IL1R1: variants seen among roughly 807,000 people sequenced by gnomAD.
The protein encoded by IL1R1 is interleukin 1 receptor type 1, also known as interleukin-1 receptor type 1.
In IL1R1, 22 loss-of-function variants were observed where a neutral mutation model predicts 50.2. That is an observed-to-expected ratio of 0.44 (90% confidence interval 0.31 to 0.63). The LOEUF is 0.63. IL1R1 is among the 20% of genes least tolerant of loss of function. IL1R1 has a pLI of 0.07. For synonymous variants in IL1R1, 251 were observed against 236.7 expected, an observed-to-expected ratio of 1.06 and a Z score of -0.55; for missense variants, 509 against 676.2, an observed-to-expected ratio of 0.75 and a Z score of 2.74.
At chr2:102,165,642 T>C (rs1180878396) in intron 5 of IL1R1, among the ~76,000 whole-genome samples, 1 of 152,198 alleles carries the variant, frequency 6.6e-6, no homozygotes, top group Non-Finnish European at 1.5e-5. Flanking sequence ...ATTGAAGATA[T>C]GGTCTTCAAA....
rs929267605 is a variant in IL1R1 at position 102,179,643 on chromosome 2, C to T, written c.*2884C>T. The T allele has an allele frequency of 6.5e-5, 10 of 152,726 alleles. No homozygotes were observed. Among genetic ancestry groups the T allele is most frequent in the African/African-American group, 2.2e-4 (9 of 41,408 alleles). 9.5% of individuals were successfully genotyped at this position (152,726 alleles called of 1,614,324 possible). ...GTTTAGCACAATTTATATTTTCCCT[C>T]TCTTGCCTTTCTTATTTGCAATAAA... On this transcript the variant is annotated 3_prime_UTR_variant, in exon 12 of 12. Coordinates refer to ENST00000410023, the MANE Select transcript of IL1R1 (RefSeq NM_000877.4).
upstream of IL1R1, among the ~76,000 whole-genome samples, chr2:102,103,238 G>A (rs1264734903): frequency 6.6e-6 from 1 of 152,106 alleles, no homozygotes; most frequent in East Asian, 1.9e-4. Flanking sequence ...TGCTATCTCC[G>A]TTATCATCAC....
chr2:102,091,772 C>T (rs1213842028), intron 1 of IL1R1, among the ~76,000 whole-genome samples: 1 of 152,172 alleles, frequency 6.6e-6, no homozygotes, highest in Non-Finnish European at 1.5e-5. Context: ...TCTTTATCCC[C>T]GTCTTTTACC....
chr2:102,120,206 T>C (rs1681328949), intron 1 of IL1R1, among the ~76,000 whole-genome samples: 1 of 152,130 alleles, frequency 6.6e-6, no homozygotes, highest in South Asian at 2.1e-4. Context: ...TGAGCGTATG[T>C]GTTTGAGTGT....
rs1479986336 is a variant in IL1R1 at position 102,142,875 on chromosome 2, G to T, written c.-229G>T. On this transcript the variant is annotated 5_prime_UTR_variant, in exon 1 of 12. Transcript: ENST00000410023. ...GTGGGGGCGCCGGCCTGCCCCGCGC[G>T]CCCCAGGGAGCGGCAGGAATGTGAC... is the stretch of plus-strand genomic sequence containing the variant. The T allele has an allele frequency of 6.6e-6, 1 of 150,652 alleles. No homozygotes were observed. Among genetic ancestry groups the T allele is most frequent in the Non-Finnish European group, 1.5e-5 (1 of 67,654 alleles). 9.3% of individuals were successfully genotyped at this position (150,652 alleles called of 1,614,324 possible).
At chr2:102,126,249 G>GA (rs1219020151) in intron 1 of IL1R1, among the ~76,000 whole-genome samples, 2 of 152,186 alleles carry the variant, frequency 1.3e-5, no homozygotes, top group African/African-American at 4.8e-5. Context: ...CTAGAAGACA[G>GA]AAAGGAGTTG....
At chr2:102,147,190 A>G (rs568265416) in intron 1 of IL1R1, among the ~76,000 whole-genome samples, 5 of 152,338 alleles carry the variant, frequency 3.3e-5, no homozygotes, top group African/African-American at 9.6e-5. Context: ...CCTGGTGCAC[A>G]CAGTTGTTGC....
At chr2:102,078,432 A>G (rs1679068157) in intron 1 of IL1R1, among the ~76,000 whole-genome samples, 1 of 152,098 alleles carries the variant, frequency 6.6e-6, no homozygotes, top group African/African-American at 2.4e-5. Context: ...ATTATATGCC[A>G]ACTAATTAAA....
chr2:102,121,722 T>A (rs891830268), intron 1 of IL1R1, among the ~76,000 whole-genome samples: 1 of 152,220 alleles, frequency 6.6e-6, no homozygotes, highest in African/African-American at 2.4e-5. Context: ...GCACATTTTT[T>A]AAAACCACAT....
At chr2:102,070,489 A>G (rs1262075473) in exon 1 of IL1R1, 2 of 152,182 alleles carry the variant, frequency 1.3e-5, no homozygotes, top group Non-Finnish European at 1.5e-5. Context: ...TACAGTGGCC[A>G]GAGGACTGCC....
chr2:102,084,509 T>C (rs1431834104), intron 1 of IL1R1, among the ~76,000 whole-genome samples: 1 of 152,232 alleles, frequency 6.6e-6, no homozygotes, highest in African/African-American at 2.4e-5. Flanking sequence ...ATACATAATA[T>C]GGATCTTTTC....
At chr2:102,165,084 T>A in intron 4 of IL1R1, 31 bp from the exon 5 acceptor site, 1 of 1,549,870 alleles carries the variant, frequency 6.5e-7, no homozygotes, top group Non-Finnish European at 8.8e-7. Flanking sequence ...CTTTTAATAA[T>A]GCTTAACTTA....
Position 102,151,946 on chromosome 2 carries a change from C to T in IL1R1, c.-83-1995C>T, listed in dbSNP as rs144313950. 1.8e-3 allele frequency among the ~76,000 whole-genome samples: 269 copies of T among 152,176 alleles called. 2 individuals are homozygous for T. The highest frequency in any genetic ancestry group is 3.1e-3 in the Non-Finnish European group (213 of 67,988). On this transcript the variant is annotated intron_variant, in intron 1 of 11. Coordinates refer to ENST00000410023, the MANE Select transcript of IL1R1 (RefSeq NM_000877.4). Reference sequence around the variant, plus strand: ...ACAGTGAAGGCAGAAGAGTAGGGGGCGCTGACCCTCATCCCAGGGGTCAGG... The same window carrying T: ...ACAGTGAAGGCAGAAGAGTAGGGGGTGCTGACCCTCATCCCAGGGGTCAGG...
chr2:102,175,595 A>G lies in IL1R1; in HGVS notation c.1253A>G (p.Gln418Arg). 1 of 1,614,086 alleles carries G rather than the reference A, an allele frequency of 6.2e-7. No homozygotes were observed. Among genetic ancestry groups the G allele is most frequent in the Non-Finnish European group, 8.5e-7 (1 of 1,179,970 alleles). The change falls in exon 11 of 12, where the codon CAG becomes CGG. Residue 418 changes from glutamine to arginine, a missense_variant. Transcript: ENST00000410023. ...GTCTTGCCTGAGGTCTTGGAAAAAC[A>G]GTGTGGATATAAGCTGTTCATTTAT... Reference protein sequence around the residue: ...FKVLPEVLEKQCGYKLFIYGR... With the variant: ...FKVLPEVLEKRCGYKLFIYGR...
At chr2:102,131,647 T>TA (rs57203651) in intron 1 of IL1R1, among the ~76,000 whole-genome samples, 86,366 of 150,186 alleles carry the variant, frequency 0.58, 25,061 homozygotes, top group East Asian at 0.65. Context: ...ATAGAAACTA[T>TA]AAAAAAAAAC....
intron 1 of IL1R1, among the ~76,000 whole-genome samples, chr2:102,124,230 TG>T (rs1426910166): frequency 6.6e-6 from 1 of 152,142 alleles, no homozygotes; most frequent in African/African-American, 2.4e-5. Context: ...AAGACCAGCC[TG>T]GGCAACATGG....
intron 1 of IL1R1, among the ~76,000 whole-genome samples, chr2:102,095,880 G>C (rs1459968607): frequency 6.6e-6 from 1 of 152,092 alleles, no homozygotes; most frequent in Non-Finnish European, 1.5e-5. Flanking sequence ...GTACGTGCCT[G>C]TAATCCCAGC....
chr2:102,112,797 C>T (rs1464631298), intron 1 of IL1R1, among the ~76,000 whole-genome samples: 1 of 152,020 alleles, frequency 6.6e-6, no homozygotes, highest in East Asian at 1.9e-4. Flanking sequence ...GTGTGTCCCC[C>T]AAGCCCACCA....
intron 3 of IL1R1, among the ~76,000 whole-genome samples, chr2:102,160,718 A>C (rs918323895): frequency 1.2e-4 from 19 of 152,158 alleles, no homozygotes; most frequent in Non-Finnish European, 1.9e-4. Flanking sequence ...AAATGGTTCA[A>C]ATGGGCCAAT....
Sources: allele counts gnomAD v4.1 joint callset (sites outside exome capture counted in the v4.1 genomes callset), GRCh38; gene constraint gnomAD v4.1.1; transcripts MANE v1.5; gene names NCBI Gene and HGNC (gene_info 2026-07-23, HGNC 2026-07-21).